Variants in LSAMP observed in about 807,000 individuals in gnomAD.
LSAMP encodes the protein limbic system-associated membrane protein.
LSAMP carries 7 observed loss-of-function variants against 38.6 expected under a neutral mutation model. The observed-to-expected ratio is 0.18, with a 90% CI of 0.10 to 0.34. LSAMP has a LOEUF of 0.34. Ranked by LOEUF, LSAMP falls within the 10% of genes least tolerant of loss-of-function variation. LSAMP has a pLI of 1.00. For missense variants in LSAMP, 313 were observed against 420.0 expected (o/e 0.75, Z 2.23); for synonymous variants, 154 against 166.8 (o/e 0.92, Z 0.59).
chr3:116,027,260 T>C (rs1940814230), intron 2 of LSAMP, among the ~76,000 whole-genome samples: 1 of 152,164 alleles, frequency 6.6e-6, no homozygotes, highest in African/African-American at 2.4e-5. Context: ...ATGCTCCTGA[T>C]TTTGAAGTGA....
intron 3 of LSAMP, among the ~76,000 whole-genome samples, chr3:115,939,997 G>C (rs1268371127): frequency 1.3e-5 from 2 of 152,110 alleles, no homozygotes; most frequent in African/African-American, 4.8e-5. Flanking sequence ...GTTCCTCCTG[G>C]TGGGTTCGTG....
Position 115,804,065 on chromosome 3 carries a change from G to A in LSAMP, c.*6252C>T, listed in dbSNP as rs1933576102. 1.3e-5 allele frequency: 2 copies of A among 152,178 alleles called. No homozygotes were observed. The highest frequency in any genetic ancestry group is 4.8e-5 in the African/African-American group (2 of 41,446). 9.4% of individuals were successfully genotyped at this position (152,178 alleles called of 1,614,324 possible). The stretch of plus-strand genomic sequence containing the variant: ...CCCCAGCTATGTCAATGTCCTTAGT[G>A]TAATTTGAATGTGTCCCTTCTCTAC... On this transcript the variant is annotated 3_prime_UTR_variant, in exon 7 of 7. Coordinates refer to ENST00000490035, the MANE Select transcript of LSAMP (RefSeq NM_002338.5).
intron 1 of LSAMP, among the ~76,000 whole-genome samples, chr3:116,279,029 G>A (rs1330605718): frequency 6.6e-6 from 1 of 152,112 alleles, no homozygotes; most frequent in Non-Finnish European, 1.5e-5. Context: ...TTTTTCTGTA[G>A]GAGAATTTTC....
intron 3 of LSAMP, among the ~76,000 whole-genome samples, chr3:115,892,866 CTG>C (rs1488441890): frequency 2.7e-5 from 4 of 150,010 alleles, no homozygotes; most frequent in East Asian, 1.9e-4. Context: ...TTAATTTAAA[CTG>C]TGTGAAATGG....
intron 1 of LSAMP, among the ~76,000 whole-genome samples, chr3:116,156,069 A>G (rs536042237): frequency 3.3e-5 from 5 of 152,282 alleles, no homozygotes; most frequent in African/African-American, 1.2e-4. Context: ...TTTCCTGTAC[A>G]GGATGTGCTC....
At chr3:116,258,099 C>T (rs1252288581) in intron 1 of LSAMP, among the ~76,000 whole-genome samples, 2 of 152,024 alleles carry the variant, frequency 1.3e-5, no homozygotes, top group Non-Finnish European at 2.9e-5. Context: ...TCTTTGATTT[C>T]AGCTTGTTTT....
At chr3:116,275,481 G>A (rs2047037662) in intron 1 of LSAMP, among the ~76,000 whole-genome samples, 1 of 151,980 alleles carries the variant, frequency 6.6e-6, no homozygotes, top group Non-Finnish European at 1.5e-5. Context: ...GCATTGGGGG[G>A]AGTCTATAAT....
At chr3:115,968,679 G>T (rs1464465644) in intron 3 of LSAMP, among the ~76,000 whole-genome samples, 1 of 152,184 alleles carries the variant, frequency 6.6e-6, no homozygotes, top group East Asian at 1.9e-4. Flanking sequence ...GATGGTGCAA[G>T]AACTCCTTTG....
rs899865654 is a variant in LSAMP at position 115,806,716 on chromosome 3, A to G, written c.*3601T>C. 1 of 152,334 alleles carries G rather than the reference A, an allele frequency of 6.6e-6. No homozygotes were observed. Among genetic ancestry groups the G allele is most frequent in the South Asian group, 2.1e-4 (1 of 4,828 alleles). 9.4% of individuals were successfully genotyped at this position (152,334 alleles called of 1,614,324 possible). On this transcript the variant is annotated 3_prime_UTR_variant, in exon 7 of 7. Coordinates refer to ENST00000490035, the MANE Select transcript of LSAMP (RefSeq NM_002338.5). The stretch of plus-strand genomic sequence containing the variant: ...GACTTGGAAGAGAAGGCAAAGGTCA[A>G]TGGGGCAGTCCTTCCTGAGAGAAAA...
At chr3:116,161,834 A>C (rs1277301026) in intron 1 of LSAMP, among the ~76,000 whole-genome samples, 1 of 152,154 alleles carries the variant, frequency 6.6e-6, no homozygotes, top group African/African-American at 2.4e-5. Flanking sequence ...AAGAAGCCTC[A>C]TATTCATTGG....
intron 2 of LSAMP, among the ~76,000 whole-genome samples, chr3:116,068,070 G>C (rs1296911889): frequency 6.6e-6 from 1 of 152,074 alleles, no homozygotes; most frequent in African/African-American, 2.4e-5. Flanking sequence ...ATTTAACGAG[G>C]GGATGAATAA....
chr3:116,300,444 C>A (rs2047390743), intron 1 of LSAMP, among the ~76,000 whole-genome samples: 1 of 152,166 alleles, frequency 6.6e-6, no homozygotes, highest in African/African-American at 2.4e-5. Context: ...ATTTGTAACA[C>A]ATAAAGTCAC....
chr3:116,344,442 G>A (rs1205642696), intron 1 of LSAMP, among the ~76,000 whole-genome samples: 1 of 152,054 alleles, frequency 6.6e-6, no homozygotes, highest in Non-Finnish European at 1.5e-5. Flanking sequence ...TAATTTAATT[G>A]CATGCAAACT....
At chr3:116,117,716 CT>C (rs1708783754) in intron 1 of LSAMP, among the ~76,000 whole-genome samples, 1 of 151,898 alleles carries the variant, frequency 6.6e-6, no homozygotes, top group African/African-American at 2.4e-5. Context: ...TGATATTTGT[CT>C]AATTTTTTTT....
intron 1 of LSAMP, among the ~76,000 whole-genome samples, chr3:116,213,193 T>A (rs1227747937): frequency 2.0e-5 from 3 of 152,194 alleles, no homozygotes; most frequent in African/African-American, 7.2e-5. Flanking sequence ...CATTTTGAGT[T>A]GTGATATGGT....
At chr3:115,946,925 A>G (rs1938117000) in intron 3 of LSAMP, among the ~76,000 whole-genome samples, 1 of 152,154 alleles carries the variant, frequency 6.6e-6, no homozygotes. Context: ...ATAGGTATGT[A>G]TAATGGTATA....
intron 1 of LSAMP, among the ~76,000 whole-genome samples, chr3:116,162,768 T>TACAC (rs71141856): frequency 0.43 from 62,651 of 147,182 alleles, 13,921 homozygotes; most frequent in East Asian, 0.64. Flanking sequence ...CACACACTTA[T>TACAC]ACACACACAC....
chr3:116,290,380 G>A (rs1281241614), intron 1 of LSAMP, among the ~76,000 whole-genome samples: 1 of 152,038 alleles, frequency 6.6e-6, no homozygotes, highest in African/African-American at 2.4e-5. Flanking sequence ...ATTGAAATCT[G>A]TAAGTTGAAG....
chr3:116,067,659 T>C (rs539067554), intron 2 of LSAMP, among the ~76,000 whole-genome samples: 2 of 152,174 alleles, frequency 1.3e-5, no homozygotes, highest in Non-Finnish European at 2.9e-5. Context: ...TTCTCCCCTT[T>C]TTAACTCCGT....
Sources: allele counts gnomAD v4.1 joint callset (sites outside exome capture counted in the v4.1 genomes callset), GRCh38; gene constraint gnomAD v4.1.1; transcripts MANE v1.5; gene names NCBI Gene and HGNC (gene_info 2026-07-23, HGNC 2026-07-21).